The following TGFB1 variants were observed in gnomAD, a reference collection of about 807,000 sequenced individuals.
The protein encoded by TGFB1 is transforming growth factor beta 1.
In TGFB1, 19 loss-of-function variants were observed where a neutral mutation model predicts 43.8. The observed-to-expected ratio is 0.43, with a 90% CI of 0.30 to 0.64. The LOEUF is 0.64. TGFB1 is among the 30% of genes least tolerant of loss of function. TGFB1 has a pLI of 0.11. For missense variants in TGFB1, 445 were observed against 529.8 expected (o/e 0.84, Z 1.57); for synonymous variants, 221 against 236.3 (o/e 0.94, Z 0.60).
At chr19:41,351,499 T>C (rs12462166) in intron 1 of TGFB1, among the ~76,000 whole-genome samples, 105,622 of 152,074 alleles carry the variant, frequency 0.69, 37,381 homozygotes, top group African/African-American at 0.79. Flanking sequence ...GATCCCCGCC[T>C]CCGCCGGGGG....
chr19:41,344,028 G>C (rs995353011), intron 3 of TGFB1, among the ~76,000 whole-genome samples: 1 of 118,612 alleles, frequency 8.4e-6, no homozygotes, highest in African/African-American at 3.6e-5. Context: ...TTTCATGTAG[G>C]CTGGATTGCA....
At chr19:41,352,328 A>G (rs1599897755) in intron 1 of TGFB1, among the ~76,000 whole-genome samples, 1 of 141,110 alleles carries the variant, frequency 7.1e-6, no homozygotes, top group African/African-American at 2.7e-5. Context: ...CCTTCTCTGC[A>G]CCTGGCACCC....
At chr19:41,342,462 A>G (rs1452046529) in intron 3 of TGFB1, among the ~76,000 whole-genome samples, 1 of 126,490 alleles carries the variant, frequency 7.9e-6, no homozygotes, top group Non-Finnish European at 1.6e-5. Context: ...CAATCCTCCC[A>G]TCTCAGCCTC....
chr19:41,340,560 C>T (rs527794978), intron 5 of TGFB1, among the ~76,000 whole-genome samples: 36 of 152,236 alleles, frequency 2.4e-4, no homozygotes, highest in African/African-American at 7.9e-4. Context: ...GAATTATAGG[C>T]GTGAGCCACC....
Position 41,348,375 on chromosome 19 carries a change from C to G in TGFB1, c.436G>C (p.Glu146Gln), listed in dbSNP as rs945632451. ...TCTGCCCGGGAGAGCAACACGGGTT[C>G]AGGTACCGCTTCTCGGAGCTCTGAT... ...NTSELREAVP[E>Q]PVLLSRAELR... Residue 146 changes from glutamate (E) to glutamine (Q), a missense_variant, in exon 2 of 7, where the codon GAA becomes CAA. Glu to Gln is a conservative substitution (Grantham distance 29). Around this residue, in one of 3 missense-constraint regions of TGFB1, gnomAD observed 366 missense variants for 428.8 expected, o/e 0.85. Transcript: ENST00000221930. 5 of 1,613,528 alleles carry G rather than the reference C, an allele frequency of 3.1e-6. No individual in the cohort carries two copies. Among genetic ancestry groups the G allele is most frequent in the Non-Finnish European group, 4.2e-6 (5 of 1,179,826 alleles).
intron 5 of TGFB1, among the ~76,000 whole-genome samples, chr19:41,333,086 G>A (rs1469609651): frequency 6.6e-6 from 1 of 151,764 alleles, no homozygotes; most frequent in Non-Finnish European, 1.5e-5. Flanking sequence ...CTGGCGTCCT[G>A]TCTGTTCCTC....
chr19:41,352,611 T>C lies in TGFB1; in HGVS notation c.355+79A>G, dbSNP rs558206086. On this transcript the variant is annotated intron_variant, in intron 1 of 6. Coordinates refer to ENST00000221930, the MANE Select transcript of TGFB1 (RefSeq NM_000660.7). ...TCCTCCAGCCAGTTTCTTCTGCCAG[T>C]CACTTCCTACCCGTGGCCCCGGCAC... 8.5e-6 allele frequency: 13 copies of C among 1,525,166 alleles called. No homozygotes were observed. In the East Asian group the frequency reaches 2.6e-4, roughly 30 times the overall value. 94.5% of individuals were successfully genotyped at this position (1,525,166 alleles called of 1,614,324 possible). A position where few individuals can be genotyped will look rare whatever the true frequency, so the allele number is the denominator to read the frequency against.
intron 5 of TGFB1, among the ~76,000 whole-genome samples, chr19:41,334,415 T>C (rs1435373969): frequency 6.7e-6 from 1 of 149,186 alleles, no homozygotes; most frequent in African/African-American, 2.5e-5. Context: ...AAGAAAAAGT[T>C]GACAATGCCT....
chr19:41,352,662 C>CCCCT, intron 1 of TGFB1, 28 bp downstream of exon 1: 1 of 1,610,686 alleles, frequency 6.2e-7, no homozygotes, highest in Non-Finnish European at 8.5e-7. Context: ...GGGCCCCCCT[C>CCCCT]CCGGCTCCCC....
At chr19:41,338,216 C>T (rs528061985) in intron 5 of TGFB1, among the ~76,000 whole-genome samples, 58 of 144,700 alleles carry the variant, frequency 4.0e-4, no homozygotes, top group African/African-American at 1.4e-3. Context: ...AGAATACGGC[C>T]GGGTGCGTGG....
In TGFB1 at chr19:41,352,796, G is replaced by A; in HGVS notation, c.249C>T (p.Ser83=). The stretch of plus-strand genomic sequence containing the variant: ...TCTCCCCGGCCACCCGGTCGCGGGT[G>A]CTGTTGTACAGGGCGAGCACGGCCT... ...LPEAVLALYN[S]TRDRVAGESA... Residue 83 remains serine (S), a synonymous_variant, in exon 1 of 7, where the codon AGC becomes AGT. Transcript: ENST00000221930. The A allele has an allele frequency of 6.2e-7, 1 of 1,609,040 alleles. No individual in the cohort carries two copies. Among genetic ancestry groups the A allele is most frequent in the Non-Finnish European group, 8.5e-7 (1 of 1,177,234 alleles).
intron 1 of TGFB1, 103 bp from the exon 2 acceptor site, chr19:41,348,558 A>G: frequency 1.0e-6 from 1 of 967,892 alleles, no homozygotes; most frequent in South Asian, 1.3e-5. Flanking sequence ...TCTGGGGTGG[A>G]GTCAGTCTCT....
intron 5 of TGFB1, among the ~76,000 whole-genome samples, chr19:41,337,598 A>G (rs1218635390): frequency 6.6e-6 from 1 of 152,022 alleles, no homozygotes; most frequent in African/African-American, 2.4e-5. Flanking sequence ...TTTTTTCAAA[A>G]TCTACAAAAT....
intron 2 of TGFB1, 71 bp downstream of exon 2, chr19:41,348,224 A>T: frequency 1.9e-6 from 3 of 1,588,096 alleles, no homozygotes; most frequent in Non-Finnish European, 2.6e-6. Flanking sequence ...GCCGACCCAC[A>T]GCCACCCCCT....
intron 5 of TGFB1, among the ~76,000 whole-genome samples, chr19:41,333,401 G>T (rs1417271150): frequency 2.0e-5 from 3 of 151,772 alleles, no homozygotes; most frequent in Non-Finnish European, 2.9e-5. Context: ...TTTTAGTAGA[G>T]ACAGGGTTTC....
chr19:41,331,115 C>T lies in TGFB1; in HGVS notation c.1110G>A (p.Val370=). ...ALEPLPIVYY[V]GRKPKVEQLS... is the part of the protein sequence containing the mutation. ...GCTGCTCCACCTTGGGCTTGCGGCC[C>T]ACGTAGTACACGATGGGCAGCGGCT... Residue 370 remains valine (V), a synonymous_variant, in exon 7 of 7, where the codon GTG becomes GTA. Transcript: ENST00000221930. 1 of 1,584,964 alleles carries T rather than the reference C, an allele frequency of 6.3e-7. No individual in the cohort carries two copies. Among genetic ancestry groups the T allele is most frequent in the African/African-American group, 1.3e-5 (1 of 74,594 alleles).
At position 41,331,153 on chromosome 19, in the gene TGFB1, G is replaced by C; in HGVS notation, c.1072C>G (p.Pro358Ala). Residue 358 changes from proline to alanine, a missense_variant, in exon 7 of 7, where the codon CCG (proline) becomes GCG (alanine). Pro to Ala is a conservative substitution (Grantham distance 27). Around this residue, in one of 3 missense-constraint regions of TGFB1, gnomAD observed 56 missense variants for 46.9 expected, o/e 1.19. Transcript: ENST00000221930. ...ATGGGCAGCGGCTCCAGCGCCTGCG[G>C]CACGCAGCACGGCGCCGCCGAGGCG... is the stretch of plus-strand genomic sequence containing the variant. Reference protein sequence around the residue: ...PGASAAPCCVPQALEPLPIVY... With the variant: ...PGASAAPCCVAQALEPLPIVY... 6.4e-7 allele frequency: 1 copy of C among 1,564,372 alleles called. No homozygotes were observed. Among genetic ancestry groups the C allele is most frequent in the Non-Finnish European group, 8.6e-7 (1 of 1,157,054 alleles).
chr19:41,338,252 G>C (rs561808729), intron 5 of TGFB1, among the ~76,000 whole-genome samples: 42 of 151,162 alleles, frequency 2.8e-4, no homozygotes, highest in Middle Eastern at 3.5e-3. Flanking sequence ...CCAGCACTTT[G>C]GGAGGCTGAG....
chr19:41,337,972 A>G (rs2038006552), intron 5 of TGFB1, among the ~76,000 whole-genome samples: 1 of 152,164 alleles, frequency 6.6e-6, no homozygotes, highest in African/African-American at 2.4e-5. Flanking sequence ...CTGATGGATC[A>G]CCTGAGGTCA....
Sources: allele counts gnomAD v4.1 joint callset (sites outside exome capture counted in the v4.1 genomes callset), GRCh38; gene constraint gnomAD v4.1.1; regional missense constraint gnomAD v4.1.1; transcripts MANE v1.5; gene names NCBI Gene and HGNC (gene_info 2026-07-23, HGNC 2026-07-21).